TMEM74: variants seen among roughly 807,000 people sequenced by gnomAD.
TMEM74 encodes transmembrane protein 74.
A neutral mutation model predicts 18.1 loss-of-function variants in TMEM74; 13 were observed. The observed-to-expected ratio is 0.72, with a 90% CI of 0.47 to 1.14. The LOEUF (loss-of-function observed/expected upper bound fraction) is 1.14. Ranked by LOEUF, TMEM74 falls within the 50% of genes most tolerant of loss-of-function variation. The pLI is 0.00. For synonymous variants in TMEM74, 159 were observed against 146.6 expected, an observed-to-expected ratio of 1.08 and a Z score of -0.61; for missense variants, 372 against 375.9, an observed-to-expected ratio of 0.99 and a Z score of 0.09.
intron 1 of TMEM74, among the ~76,000 whole-genome samples, chr8:108,755,176 C>T (rs1024073044): frequency 1.3e-5 from 2 of 152,050 alleles, no homozygotes; most frequent in Non-Finnish European, 2.9e-5. Context: ...GCAGTCAAGG[C>T]CTGCCTTTAG....
At chr8:108,769,210 C>T (rs1358202186) in intron 1 of TMEM74, among the ~76,000 whole-genome samples, 1 of 151,684 alleles carries the variant, frequency 6.6e-6, no homozygotes, top group Non-Finnish European at 1.5e-5. Flanking sequence ...TGCCTGTATT[C>T]CCAGCTACTC....
Position 108,784,266 on chromosome 8 carries a change from A to C in TMEM74, c.833T>G (p.Phe278Cys). 1.2e-6 allele frequency: 2 copies of C among 1,614,184 alleles called. No homozygotes were observed. Among genetic ancestry groups the C allele is most frequent in the Non-Finnish European group, 1.7e-6 (2 of 1,180,044 alleles). ...CGTGCTGGTTTTCATCCTGAAGTTG[A>C]AAGAACCATAGAGTTTTGCAGACTC... is the stretch of plus-strand genomic sequence containing the variant. ...SKESAKLYGS[F>C]NFRMKTSTNE... The change falls in exon 2 of 2, where the codon TTC (phenylalanine) becomes TGC (cysteine). Residue 278 changes from phenylalanine to cysteine, a missense_variant. Coordinates refer to ENST00000297459, the MANE Select transcript of TMEM74 (RefSeq NM_153015.3).
chr8:108,766,715 T>G (rs1814111570), intron 1 of TMEM74, among the ~76,000 whole-genome samples: 1 of 152,140 alleles, frequency 6.6e-6, no homozygotes, highest in South Asian at 2.1e-4. Context: ...CAGTAGGCTG[T>G]CTGCAAGTTG....
chr8:108,724,649 A>G (rs143878497), intron 1 of TMEM74, among the ~76,000 whole-genome samples: 1 of 152,328 alleles, frequency 6.6e-6, no homozygotes, highest in African/African-American at 2.4e-5. Flanking sequence ...TTGATATTTT[A>G]GGCAAAAGCA....
At chr8:108,662,950 G>T (rs1812914745) in intron 1 of TMEM74, among the ~76,000 whole-genome samples, 1 of 152,128 alleles carries the variant, frequency 6.6e-6, no homozygotes, top group African/African-American at 2.4e-5. Context: ...AGTATAGTTT[G>T]AAGTTGTAAT....
intron 1 of TMEM74, among the ~76,000 whole-genome samples, chr8:108,722,031 C>T (rs181739434): frequency 2.0e-5 from 3 of 152,218 alleles, no homozygotes; most frequent in Admixed American, 6.5e-5. Context: ...GAAATCTTTG[C>T]CTAATCCAAG....
intron 1 of TMEM74, among the ~76,000 whole-genome samples, chr8:108,676,664 T>C (rs556732735): frequency 8.1e-4 from 123 of 152,344 alleles, no homozygotes; most frequent in African/African-American, 2.8e-3. Flanking sequence ...TTATATTTTA[T>C]TTAACTCTCT....
chr8:108,786,481 T>C (rs772695191), intron 1 of TMEM74, among the ~76,000 whole-genome samples: 1 of 152,150 alleles, frequency 6.6e-6, no homozygotes, highest in Non-Finnish European at 1.5e-5. Context: ...TCACCTAAGG[T>C]CAACCTGGCA....
chr8:108,636,732 G>T (rs931593358), intron 2 of TMEM74, among the ~76,000 whole-genome samples: 1 of 151,474 alleles, frequency 6.6e-6, no homozygotes, highest in Non-Finnish European at 1.5e-5. Context: ...CATTGCCTGA[G>T]TGTACTCAGG....
At chr8:108,722,294 C>A (rs1261044837) in intron 1 of TMEM74, among the ~76,000 whole-genome samples, 1 of 152,144 alleles carries the variant, frequency 6.6e-6, no homozygotes, top group Non-Finnish European at 1.5e-5. Flanking sequence ...GTGTGAGGAG[C>A]ACTATTTTAT....
chr8:108,776,795 G>A (rs1814239164), downstream of TMEM74, among the ~76,000 whole-genome samples: 1 of 151,952 alleles, frequency 6.6e-6, no homozygotes, highest in Non-Finnish European at 1.5e-5. Flanking sequence ...AGGGAGTGGG[G>A]AAAAGGAGGA....
intron 1 of TMEM74, among the ~76,000 whole-genome samples, chr8:108,675,715 AAACTCAGAGGATGTGACACAGC>A (rs1197041571): frequency 6.6e-6 from 1 of 152,240 alleles, no homozygotes; most frequent in African/African-American, 2.4e-5. Context: ...GGTGAAACAG[AAACTCAGAGGATGTGACACAGC>A]AATTAAAAAT....
At chr8:108,621,437 GA>G (rs1481370222) in intron 2 of TMEM74, among the ~76,000 whole-genome samples, 8 of 152,176 alleles carry the variant, frequency 5.3e-5, no homozygotes, top group Admixed American at 3.9e-4. Flanking sequence ...CCCCCTCCCT[GA>G]AAACGCCCTC....
intron 1 of TMEM74, among the ~76,000 whole-genome samples, chr8:108,707,773 G>A (rs764198559): frequency 4.6e-5 from 7 of 152,128 alleles, no homozygotes; most frequent in Non-Finnish European, 7.4e-5. Context: ...TCTTCTTGTC[G>A]TTGGTTTAAA....
intron 1 of TMEM74, among the ~76,000 whole-genome samples, chr8:108,772,489 C>T (rs1814184044): frequency 6.6e-6 from 1 of 152,086 alleles, no homozygotes; most frequent in Non-Finnish European, 1.5e-5. Flanking sequence ...ATGCTTGAAA[C>T]AATTAGTGAT....
At chr8:108,644,668 A>G (rs1812699077) in intron 2 of TMEM74, among the ~76,000 whole-genome samples, 1 of 152,094 alleles carries the variant, frequency 6.6e-6, no homozygotes, top group African/African-American at 2.4e-5. Context: ...AAAACAAACA[A>G]CCCTGTTAAA....
Position 108,784,698 on chromosome 8 carries a change from T to G in TMEM74, c.401A>C (p.Asn134Thr). ...NRSSPSAKGH[N>T]HPGELGWENP... is the part of the protein sequence containing the mutation. Reference sequence around the variant, plus strand: ...TTCCCAGCCAAGCTCCCCAGGGTGATTATGCCCTTTTGCTGATGGCGAGCT... The same window carrying G: ...TTCCCAGCCAAGCTCCCCAGGGTGAGTATGCCCTTTTGCTGATGGCGAGCT... Residue 134 changes from asparagine to threonine, a missense_variant, in exon 2 of 2, where the codon AAT becomes ACT. By Grantham distance (65) the Asn-to-Thr change is moderately conservative. Coordinates refer to ENST00000297459, the MANE Select transcript of TMEM74 (RefSeq NM_153015.3). The G allele has an allele frequency of 6.2e-7, 1 of 1,614,132 alleles. No homozygotes were observed. Among genetic ancestry groups the G allele is most frequent in the Non-Finnish European group, 8.5e-7 (1 of 1,180,012 alleles).
intron 2 of TMEM74, among the ~76,000 whole-genome samples, chr8:108,615,166 A>G (rs908994172): frequency 2.0e-5 from 3 of 152,178 alleles, no homozygotes; most frequent in African/African-American, 7.2e-5. Flanking sequence ...ATCCCAGGAG[A>G]CGCTGAACAG....
intron 2 of TMEM74, among the ~76,000 whole-genome samples, chr8:108,654,976 G>A (rs896433309): frequency 1.3e-5 from 2 of 152,062 alleles, no homozygotes; most frequent in Non-Finnish European, 2.9e-5. Context: ...CATCAGTAAT[G>A]TACTAATTAC....
Sources: gnomAD v4.1 joint callset for allele counts (sites outside exome capture counted in the v4.1 genomes callset) on GRCh38, gnomAD v4.1.1 for gene constraint, MANE v1.5 for transcripts, NCBI Gene and HGNC (gene_info 2026-07-23, HGNC 2026-07-21) for gene names.